SOX30: variants seen among roughly 807,000 people sequenced by gnomAD.
SOX30 encodes the protein transcription factor SOX-30.
A neutral mutation model predicts 58.6 loss-of-function variants in SOX30; 17 were observed. That is an observed-to-expected ratio of 0.29 (90% confidence interval 0.20 to 0.44). SOX30 has a LOEUF of 0.44. SOX30 is among the 20% of genes least tolerant of loss of function. The pLI, the probability that SOX30 is intolerant of heterozygous loss-of-function variation, is 1.00. For synonymous variants in SOX30, 421 were observed against 400.2 expected, an observed-to-expected ratio of 1.05 and a Z score of -0.62; for missense variants, 951 against 965.8, an observed-to-expected ratio of 0.98 and a Z score of 0.20.
chr5:157,664,556 C>T (rs998698786), intron 2 of SOX30, among the ~76,000 whole-genome samples: 5 of 152,108 alleles, frequency 3.3e-5, no homozygotes, highest in Non-Finnish European at 5.9e-5. Context: ...TGTCTAAACA[C>T]CAAAACACCA....
Position 157,638,240 on chromosome 5 carries a change from A to G in SOX30, c.1870T>C (p.Phe624Leu), listed in dbSNP as rs202017271. ...HPYFLPGPHY[F>L]PSSTCPYSRP... ...AAAATGTTAATTTACCTTGATGGGA[A>G]GTAGTGAGGTCCGGGTAGGAAGTAA... The change falls in exon 4 of 5, where the codon TTC (phenylalanine) becomes CTC (leucine). Residue 624 changes from phenylalanine (F) to leucine (L), a missense_variant. Physicochemically the swap from Phe to Leu is conservative, Grantham distance 22. This residue lies in a region of SOX30 where 381 missense variants were observed against 390.0 expected (regional missense o/e 0.98). Transcript: ENST00000265007. 5 of 1,519,434 alleles carry G rather than the reference A, an allele frequency of 3.3e-6. No homozygotes were observed. Among genetic ancestry groups the G allele is most frequent in the Non-Finnish European group, 3.5e-6 (4 of 1,134,106 alleles). The allele number at this position is 1,519,434 out of a possible 1,614,324, so 94.1% of individuals were successfully genotyped here.
At chr5:157,634,423 C>T (rs894069224) in intron 4 of SOX30, among the ~76,000 whole-genome samples, 8 of 152,096 alleles carry the variant, frequency 5.3e-5, no homozygotes, top group Admixed American at 4.6e-4. Context: ...CACTAAATTG[C>T]CCAGGCTGGT....
intron 1 of SOX30, among the ~76,000 whole-genome samples, chr5:157,669,731 G>A (rs1759742115): frequency 6.6e-6 from 1 of 151,732 alleles, no homozygotes; most frequent in Non-Finnish European, 1.5e-5. Context: ...TGACCAGGTT[G>A]GTCTCGAAAA....
At position 157,651,836 on chromosome 5, in the gene SOX30, T is replaced by G. The variant is rs1470753009; in HGVS notation, c.243A>C (p.Leu81=). ...CCTCGTTCTGGGCCTGAGGCTGTGG[T>G]AGCAGCAACACCTGCTCTGGCTTCA... ...LQVKPEQVLL[L]PQPQAQNEEA... is the part of the protein sequence containing the mutation. Residue 81 remains leucine (L), a synonymous_variant, in exon 1 of 5, where the codon CTA becomes CTC. Transcript: ENST00000265007. 2 of 1,586,012 alleles carry G rather than the reference T, an allele frequency of 1.3e-6. No individual in the cohort carries two copies. Among genetic ancestry groups the G allele is most frequent in the African/African-American group, 1.3e-5 (1 of 74,654 alleles).
In SOX30 at chr5:157,645,372, TAAGA is replaced by T. The variant is rs567281850; in HGVS notation, c.1387+1261_1387+1264del. On this transcript the variant is annotated intron_variant, in intron 3 of 4. Transcript: ENST00000265007. The stretch of plus-strand genomic sequence containing the variant: ...CAGGTTTACGCAGTCTTAGTAGGTT[TAAGA>T]AAGTGGGCCAGATATGGTGGTTCAC... 2.6e-3 allele frequency among the ~76,000 whole-genome samples: 393 copies of T among 152,170 alleles called. 1 individual carries two copies. The highest frequency in any genetic ancestry group is 5.6e-3 in the Admixed American group (85 of 15,276).
chr5:157,657,400 C>T (rs9686901), upstream of SOX30, among the ~76,000 whole-genome samples: 17,622 of 152,078 alleles, frequency 0.12, 1,216 homozygotes, highest in Middle Eastern at 0.19. Context: ...GTCTTTTAAT[C>T]CTCTTCAAAA....
chr5:157,666,915 A>T (rs1759686511), intron 2 of SOX30, among the ~76,000 whole-genome samples: 1 of 152,156 alleles, frequency 6.6e-6, no homozygotes, highest in Non-Finnish European at 1.5e-5. Flanking sequence ...CATGTTGGCC[A>T]GGCTGGTCTC....
chr5:157,661,223 GA>G (rs1156746134), intron 2 of SOX30, among the ~76,000 whole-genome samples: 1 of 152,208 alleles, frequency 6.6e-6, no homozygotes, highest in Non-Finnish European at 1.5e-5. Flanking sequence ...GTCTTAGGAA[GA>G]AAGCATCCAG....
intron 4 of SOX30, among the ~76,000 whole-genome samples, chr5:157,636,290 G>A (rs750867592): frequency 5.9e-5 from 9 of 152,008 alleles, no homozygotes; most frequent in Non-Finnish European, 1.2e-4. Context: ...TTTGTTATAG[G>A]CCTCAAGATT....
intron 2 of SOX30, among the ~76,000 whole-genome samples, chr5:157,664,226 A>G (rs1038834341): frequency 1.8e-4 from 27 of 152,152 alleles, no homozygotes; most frequent in Non-Finnish European, 2.6e-4. Flanking sequence ...AAACAGCATG[A>G]TACTGGTACC....
At position 157,626,620 on chromosome 5, in the gene SOX30, C is replaced by A. The variant is rs771440810; in HGVS notation, c.1982G>T (p.Gly661Val). 4 of 1,611,778 alleles carry A rather than the reference C, an allele frequency of 2.5e-6. No homozygotes were observed. The highest frequency in any genetic ancestry group is 2.2e-5 in the East Asian group (1 of 44,860). Residue 661 changes from glycine to valine, a missense_variant, in exon 5 of 5, where the codon GGT becomes GTT. Physicochemically the swap from Gly to Val is moderately radical, Grantham distance 109 (BLOSUM62 -3). Coordinates refer to ENST00000265007, the MANE Select transcript of SOX30 (RefSeq NM_178424.2). Reference sequence around the variant, plus strand: ...GTCTCTATTTAAAGTTGAAAAGATACCCTCATGTTTTGGGTACCTGTCTTC... The same window carrying A: ...GTCTCTATTTAAAGTTGAAAAGATAACCTCATGTTTTGGGTACCTGTCTTC... ...YYEDRYPKHE[G>V]IFSTLNRDYS...
intron 1 of SOX30, among the ~76,000 whole-genome samples, chr5:157,649,358 G>T (rs961309529): frequency 6.6e-5 from 10 of 152,170 alleles, no homozygotes; most frequent in African/African-American, 1.9e-4. Context: ...TGCTGCTCTT[G>T]TGTCCTTTCA....
chr5:157,632,919 T>C (rs1045134849), intron 4 of SOX30, among the ~76,000 whole-genome samples: 1 of 151,732 alleles, frequency 6.6e-6, no homozygotes, highest in Non-Finnish European at 1.5e-5. Flanking sequence ...CAAAACTCAG[T>C]CTCCACTAAA....
intron 2 of SOX30, among the ~76,000 whole-genome samples, chr5:157,663,262 G>C (rs1294060689): frequency 6.6e-6 from 1 of 152,168 alleles, no homozygotes; most frequent in Non-Finnish European, 1.5e-5. Flanking sequence ...CCACGATCAA[G>C]TGGGCTTCAT....
At position 157,626,301 on chromosome 5, in the gene SOX30, T is replaced by C; in HGVS notation, c.*39A>G. On this transcript the variant is annotated 3_prime_UTR_variant, in exon 5 of 5. Coordinates refer to ENST00000265007, the MANE Select transcript of SOX30 (RefSeq NM_178424.2). ...CATACCAACTGACCCAGAATATATT[T>C]TAAGAAATGTTTATTTTCTGTGCAT... 1 of 1,502,946 alleles carries C rather than the reference T, an allele frequency of 6.7e-7. No homozygotes were observed. Among genetic ancestry groups the C allele is most frequent in the Non-Finnish European group, 8.9e-7 (1 of 1,117,380 alleles). The allele number at this position is 1,502,946 out of a possible 1,614,324, so 93.1% of individuals were successfully genotyped here.
chr5:157,645,274 C>T (rs1759161267), intron 3 of SOX30, among the ~76,000 whole-genome samples: 1 of 152,102 alleles, frequency 6.6e-6, no homozygotes, highest in Non-Finnish European at 1.5e-5. Flanking sequence ...TCCAAGGTAT[C>T]TAAAACTCTC....
At chr5:157,635,285 T>G (rs926830031) in intron 4 of SOX30, among the ~76,000 whole-genome samples, 1 of 152,204 alleles carries the variant, frequency 6.6e-6, no homozygotes, top group Admixed American at 6.5e-5. Flanking sequence ...TTATTATTAA[T>G]TAGCAGTAAT....
intron 4 of SOX30, among the ~76,000 whole-genome samples, chr5:157,635,580 C>T (rs546800276): frequency 2.0e-5 from 3 of 151,844 alleles, no homozygotes; most frequent in East Asian, 1.9e-4. Flanking sequence ...GCCAAGATTG[C>T]GCCACTGCAC....
At chr5:157,642,714 TACAAATGAGCCCA>T (rs1362506642) in intron 3 of SOX30, among the ~76,000 whole-genome samples, 2 of 151,916 alleles carry the variant, frequency 1.3e-5, no homozygotes. Context: ...TGTCCAAATG[TACAAATGAGCCCA>T]ACTGCGGTGA....
Sources: gnomAD v4.1 joint callset for allele counts (sites outside exome capture counted in the v4.1 genomes callset) on GRCh38, gnomAD v4.1.1 for gene constraint, gnomAD v4.1.1 regional missense constraint, MANE v1.5 for transcripts, NCBI Gene and HGNC (gene_info 2026-07-23, HGNC 2026-07-21) for gene names.